The following ZBTB7C variants were observed in gnomAD, a reference collection of about 807,000 sequenced individuals.
The protein encoded by ZBTB7C is zinc finger and BTB domain-containing protein 7C.
ZBTB7C carries 8 observed loss-of-function variants against 25.7 expected under a neutral mutation model. That is an observed-to-expected ratio of 0.31 (90% CI 0.18 to 0.56). The LOEUF is 0.56. ZBTB7C is among the 20% of genes least tolerant of loss of function. The probability of loss-of-function intolerance (pLI) is 0.91; values close to 1 mark genes in which losing one functional copy is unlikely to be tolerated. For missense variants in ZBTB7C, 824 were observed against 855.2 expected (o/e 0.96, Z 0.46); for synonymous variants, 394 against 369.0 (o/e 1.07, Z -0.78).
intron 3 of ZBTB7C, among the ~76,000 whole-genome samples, chr18:48,135,448 T>G (rs1372597037): frequency 6.6e-6 from 1 of 152,192 alleles, no homozygotes; most frequent in Non-Finnish European, 1.5e-5. Context: ...GGACAATGTA[T>G]TTAACCCATT....
At chr18:48,241,188 C>G (rs2043513185) in intron 2 of ZBTB7C, among the ~76,000 whole-genome samples, 1 of 152,114 alleles carries the variant, frequency 6.6e-6, no homozygotes, top group African/African-American at 2.4e-5. Context: ...CACTGCAACT[C>G]TCAAATTTAT....
chr18:48,411,234 G>T (rs1273691372), upstream of ZBTB7C, among the ~76,000 whole-genome samples: 1 of 149,668 alleles, frequency 6.7e-6, no homozygotes, highest in Non-Finnish European at 1.5e-5. Context: ...TTGCCAAAGA[G>T]ATCTGGTTTT....
chr18:48,228,747 T>TCA (rs55895960), intron 2 of ZBTB7C, among the ~76,000 whole-genome samples: 3,730 of 141,124 alleles, frequency 0.026, 68 homozygotes, highest in Middle Eastern at 0.052. Flanking sequence ...TCTCTCTCTC[T>TCA]CACACACACA....
chr18:48,322,675 TC>T (rs1404276486), intron 2 of ZBTB7C, among the ~76,000 whole-genome samples: 13 of 152,190 alleles, frequency 8.5e-5, no homozygotes, highest in African/African-American at 3.1e-4. Flanking sequence ...TACCATTTGA[TC>T]CAGCAATTCC....
chr18:48,140,331 G>A, intron 3 of ZBTB7C, among the ~76,000 whole-genome samples: 1 of 152,230 alleles, frequency 6.6e-6, no homozygotes, highest in East Asian at 1.9e-4. Context: ...AATATTGACT[G>A]AGGGCCTATG....
intron 3 of ZBTB7C, among the ~76,000 whole-genome samples, chr18:48,108,451 G>A (rs76264341): frequency 0.077 from 11,650 of 152,118 alleles, 776 homozygotes; most frequent in East Asian, 0.23. Flanking sequence ...CCTTGTTTTT[G>A]AGATAGGGTC....
chr18:48,373,312 A>G (rs2047432881), intron 1 of ZBTB7C, among the ~76,000 whole-genome samples: 1 of 150,636 alleles, frequency 6.6e-6, no homozygotes, highest in Non-Finnish European at 1.5e-5. Flanking sequence ...GCTTGTGCCT[A>G]CTCCTCCTTT....
rs72922173 is a variant in ZBTB7C at position 48,182,955 on chromosome 18, T to C, written c.-17+2979A>G. ...TTGCTTTAAATAATAATTTAAATTT[T>C]ATGTATAATTTGCTTTAAATAATAA... On this transcript the variant is annotated intron_variant, in intron 3 of 4. Transcript: ENST00000590800. Among the ~76,000 whole-genome samples the C allele has an allele frequency of 1.4e-3, 216 of 152,338 alleles. 1 individual carries two copies. The highest frequency in any genetic ancestry group is 2.9e-3 in the Admixed American group (45 of 15,306).
intron 2 of ZBTB7C, among the ~76,000 whole-genome samples, chr18:48,188,400 T>C (rs922177364): frequency 2.6e-5 from 4 of 152,192 alleles, no homozygotes; most frequent in Admixed American, 6.5e-5. Context: ...AAAAGCCCCT[T>C]ATAAAACCAT....
chr18:48,041,555 T>C, intron 3 of ZBTB7C: 2 of 985,184 alleles, frequency 2.0e-6, no homozygotes, highest in Non-Finnish European at 2.4e-6. Context: ...GAAGATGCTC[T>C]GATTTGTCTC....
chr18:48,223,517 C>A (rs1028188364), intron 2 of ZBTB7C, among the ~76,000 whole-genome samples: 11 of 152,298 alleles, frequency 7.2e-5, no homozygotes, highest in African/African-American at 2.4e-4. Flanking sequence ...CAGAATATTT[C>A]TTCTACTTAA....
At chr18:48,137,671 T>C (rs1470968270) in intron 3 of ZBTB7C, among the ~76,000 whole-genome samples, 1 of 151,580 alleles carries the variant, frequency 6.6e-6, no homozygotes, top group Non-Finnish European at 1.5e-5. Flanking sequence ...AAAGAGGGAG[T>C]GCAGGAAGTA....
At chr18:48,329,201 A>G (rs1040491469) in intron 2 of ZBTB7C, among the ~76,000 whole-genome samples, 1 of 152,246 alleles carries the variant, frequency 6.6e-6, no homozygotes, top group Non-Finnish European at 1.5e-5. Context: ...TGATCAATTA[A>G]CAAGTATTAT....
intron 3 of ZBTB7C, among the ~76,000 whole-genome samples, chr18:48,113,282 C>G (rs936289304): frequency 4.6e-5 from 7 of 152,240 alleles, no homozygotes; most frequent in African/African-American, 1.7e-4. Context: ...ATAATACCCC[C>G]TGGTCTGTCT....
chr18:48,181,143 T>C (rs1043238968), intron 3 of ZBTB7C, among the ~76,000 whole-genome samples: 14 of 152,224 alleles, frequency 9.2e-5, no homozygotes, highest in African/African-American at 3.1e-4. Context: ...ACTGAGATCC[T>C]GGAGTCACCC....
At chr18:48,050,470 G>A (rs2036641514) in intron 3 of ZBTB7C, among the ~76,000 whole-genome samples, 3 of 152,312 alleles carry the variant, frequency 2.0e-5, no homozygotes, top group South Asian at 4.1e-4. Context: ...GCCAGGACAC[G>A]CCTAGAGCCC....
Position 48,320,271 on chromosome 18 carries a change from G to A in ZBTB7C, c.-79+17903C>T, listed in dbSNP as rs558549966. On this transcript the variant is annotated intron_variant, in intron 2 of 4. Transcript: ENST00000590800. ...GGGTTCAGTGTGGCGGGAGTGGAGCGAGGGGGAAGTGGGTAGATGGGTAGG... is the reference window on the plus strand; with the variant it reads ...GGGTTCAGTGTGGCGGGAGTGGAGCAAGGGGGAAGTGGGTAGATGGGTAGG... 3.9e-5 allele frequency among the ~76,000 whole-genome samples: 6 copies of A among 152,318 alleles called. No individual in the cohort carries two copies. The East Asian group carries it at 5.8e-4, about 15-fold the overall frequency.
chr18:48,178,499 G>T lies in ZBTB7C; in HGVS notation c.-17+7435C>A, dbSNP rs79354651. On this transcript the variant is annotated intron_variant, in intron 3 of 4. Coordinates refer to ENST00000590800, the MANE Select transcript of ZBTB7C (RefSeq NM_001318841.2). Reference sequence around the variant, plus strand: ...ATTAAAAGAGAGAAAAGTTGGTGGAGGAATACCTTTCTTTCTTTCTTTTTT... The same window carrying T: ...ATTAAAAGAGAGAAAAGTTGGTGGATGAATACCTTTCTTTCTTTCTTTTTT... 3.0e-3 allele frequency among the ~76,000 whole-genome samples: 451 copies of T among 152,310 alleles called. 4 individuals carry two copies. Among genetic ancestry groups the T allele is most frequent in the African/African-American group, 0.01 (435 of 41,580 alleles).
intron 2 of ZBTB7C, among the ~76,000 whole-genome samples, chr18:48,200,963 C>T (rs1166459497): frequency 6.6e-6 from 1 of 152,150 alleles, no homozygotes; most frequent in Non-Finnish European, 1.5e-5. Context: ...GCAGGCCACC[C>T]CAGGCACCAC....
Sources: allele counts gnomAD v4.1 joint callset (sites outside exome capture counted in the v4.1 genomes callset), GRCh38; gene constraint gnomAD v4.1.1; transcripts MANE v1.5; gene names NCBI Gene and HGNC (gene_info 2026-07-23, HGNC 2026-07-21).